ATRIP: variants seen among roughly 807,000 people sequenced by gnomAD.
ATRIP encodes ATR-interacting protein.
ATRIP carries 44 observed loss-of-function variants against 78.1 expected under a neutral mutation model. The ratio of observed to expected loss-of-function variants is 0.56; its 90% CI spans 0.44 to 0.72. The LOEUF (loss-of-function observed/expected upper bound fraction) is 0.72, where lower values mean the gene tolerates loss of function less well. ATRIP is among the 30% of genes least tolerant of loss of function. ATRIP has a pLI of 0.00. For missense variants in ATRIP, 927 were observed against 980.2 expected (o/e 0.95, Z 0.72); for synonymous variants, 388 against 408.9 (o/e 0.95, Z 0.62).
intron 2 of ATRIP, among the ~76,000 whole-genome samples, chr3:48,450,966 A>C (rs370398165): frequency 6.6e-6 from 1 of 151,546 alleles, no homozygotes; most frequent in African/African-American, 2.4e-5. Context: ...AGGCCAGTGG[A>C]TCACCTGAGG....
rs375299757 is a variant in ATRIP, at chr3:48,466,577, C to A, written c.*1023C>A. On this transcript the variant is annotated 3_prime_UTR_variant, in exon 13 of 13. Transcript: ENST00000320211. ...GCCCACCCCCTACCCCACTCCCTCC[C>A]CTTCGGATCTTAACACTGGGCACTC... 9.9e-6 allele frequency: 16 copies of A among 1,613,888 alleles called. No individual in the cohort carries two copies. Among genetic ancestry groups the A allele is most frequent in the Non-Finnish European group, 1.4e-5 (16 of 1,179,988 alleles).
intron 3 of ATRIP, among the ~76,000 whole-genome samples, chr3:48,454,097 A>G (rs1307138429): frequency 2.0e-5 from 3 of 152,150 alleles, no homozygotes; most frequent in Non-Finnish European, 2.9e-5. Flanking sequence ...CTACCCTTAC[A>G]ATAGAGTCCA....
intron 6 of ATRIP, 85 bp from the exon 7 acceptor site, chr3:48,459,702 C>T: frequency 6.4e-7 from 1 of 1,550,880 alleles, no homozygotes; most frequent in Non-Finnish European, 8.7e-7. Flanking sequence ...AGTTGGCATC[C>T]AAAGAATCCT....
chr3:48,450,210 C>A, intron 2 of ATRIP, 40 bp downstream of exon 2: 1 of 1,588,276 alleles, frequency 6.3e-7, no homozygotes. Context: ...CTAATTCATT[C>A]ACTTACGTGT....
At position 48,461,068 on chromosome 3, in the gene ATRIP, C is replaced by T. The variant is rs1357602687; in HGVS notation, c.1745+269C>T. Among the ~76,000 whole-genome samples, 3 of 152,176 alleles carry T rather than the reference C, an allele frequency of 2.0e-5. No individual in the cohort carries two copies. The East Asian group carries it at 5.8e-4, about 29-fold the overall frequency. On this transcript the variant is annotated intron_variant, in intron 8 of 12. Coordinates refer to ENST00000320211, the MANE Select transcript of ATRIP (RefSeq NM_130384.3). Reference sequence around the variant, plus strand: ...GGCTGCTAACCTCTGTGGAGGAGGGCCCTGCCCCAGGACAAGGGTTAAGAC... The same window carrying T: ...GGCTGCTAACCTCTGTGGAGGAGGGTCCTGCCCCAGGACAAGGGTTAAGAC...
At chr3:48,454,488 G>T in intron 4 of ATRIP, 70 bp downstream of exon 4, 3 of 1,242,940 alleles carry the variant, frequency 2.4e-6, no homozygotes, top group South Asian at 2.4e-5. Flanking sequence ...ACAGTGTCAG[G>T]CTGGTCCTAA....
At position 48,466,893 on chromosome 3, in the gene ATRIP, GCAGC is replaced by G. The variant is rs2040335386; in HGVS notation, c.*1344_*1347del. 6.2e-7 allele frequency: 1 copy of G among 1,612,378 alleles called. No homozygotes were observed. Reference sequence around the variant, plus strand: ...GGCTCCGGGGAAGGCCTGCAGCCCTGCAGCCAGCGAGATCACAGGTCTGAGCACA... The same window carrying G: ...GGCTCCGGGGAAGGCCTGCAGCCCTGCAGCGAGATCACAGGTCTGAGCACA... On this transcript the variant is annotated 3_prime_UTR_variant, in exon 13 of 13. Coordinates refer to ENST00000320211, the MANE Select transcript of ATRIP (RefSeq NM_130384.3).
In ATRIP at chr3:48,446,770, G is replaced by A; in HGVS notation, c.-76G>A. 7.5e-7 allele frequency: 1 copy of A among 1,334,264 alleles called. No individual in the cohort carries two copies. Among genetic ancestry groups the A allele is most frequent in the African/African-American group, 1.5e-5 (1 of 66,070 alleles). 82.7% of individuals were successfully genotyped at this position (1,334,264 alleles called of 1,614,324 possible). On this transcript the variant is annotated 5_prime_UTR_variant, in exon 1 of 13. Transcript: ENST00000320211. ...CGGAGGCAAGCGGCGGCGCGCGGAC[G>A]GTTGGTCCAGTTCTCCGGCCTGGCG...
chr3:48,464,975 G>T lies in ATRIP; in HGVS notation c.2200G>T (p.Asp734Tyr). Residue 734 changes from aspartate (D) to tyrosine (Y), a missense_variant, in exon 12 of 13, where the codon GAC (aspartate) becomes TAC (tyrosine). Physicochemically the swap from Asp to Tyr is radical, Grantham distance 160. Transcript: ENST00000320211. ...VLLLHGLSQK[D>Y]KLFMMHCVEV... ...GCTGCTGCACGGCCTATCGCAGAAG[G>T]ACAAGCTCTTCATGATGCACTGCGT... The T allele has an allele frequency of 6.2e-7, 1 of 1,614,186 alleles. No homozygotes were observed. Among genetic ancestry groups the T allele is most frequent in the Non-Finnish European group, 8.5e-7 (1 of 1,180,050 alleles).
rs11548268 is a variant in ATRIP, at chr3:48,466,735, C to T, written c.*1181C>T. The T allele has an allele frequency of 2.5e-6, 4 of 1,614,068 alleles. No individual in the cohort carries two copies. In the South Asian group the frequency reaches 3.3e-5, roughly 13 times the overall value. On this transcript the variant is annotated 3_prime_UTR_variant, in exon 13 of 13. Transcript: ENST00000320211. ...ATGGAGGCCACTGGCTTGCCCTTCT[C>T]CCAGCCCAAGGTCACGGAGCTGTGC...
At position 48,467,427 on chromosome 3, in the gene ATRIP, A is replaced by G; in HGVS notation, c.*1873A>G. ...AACCACTGCACACCTGGCCACAACC[A>G]GGAACACTAGTCCCAGCCTTGGAGA... On this transcript the variant is annotated 3_prime_UTR_variant, in exon 13 of 13. Transcript: ENST00000320211. 1 of 1,614,204 alleles carries G rather than the reference A, an allele frequency of 6.2e-7. No individual in the cohort carries two copies. Among genetic ancestry groups the G allele is most frequent in the Non-Finnish European group, 8.5e-7 (1 of 1,180,030 alleles).
At chr3:48,454,801 G>A (rs2107207110) in intron 4 of ATRIP, among the ~76,000 whole-genome samples, 1 of 151,876 alleles carries the variant, frequency 6.6e-6, no homozygotes, top group East Asian at 1.9e-4. Flanking sequence ...TTTCTCATTT[G>A]CTTTCTGGGG....
At chr3:48,461,897 G>C (rs2040125411) in intron 8 of ATRIP, among the ~76,000 whole-genome samples, 4 of 152,124 alleles carry the variant, frequency 2.6e-5, no homozygotes, top group African/African-American at 7.2e-5. Context: ...GTAGAGACAG[G>C]GTTTCACCAT....
Position 48,446,850 on chromosome 3 carries a change from C to T in ATRIP, c.5C>T (p.Ala2Val). Reference protein sequence around the residue: MAGTSAPGSKRR... With the variant: MVGTSAPGSKRR... ...TACTTGGGGTGAGCGGAAAGCATGG[C>T]GGGGACCTCCGCGCCAGGCAGCAAG... is the stretch of plus-strand genomic sequence containing the variant. Residue 2 changes from alanine to valine, a missense_variant, in exon 1 of 13, where the codon GCG becomes GTG. Transcript: ENST00000320211. 4 of 1,401,030 alleles carry T rather than the reference C, an allele frequency of 2.9e-6. No homozygotes were observed. 86.8% of individuals were successfully genotyped at this position (1,401,030 alleles called of 1,614,324 possible).
In ATRIP at chr3:48,466,732, T is replaced by C; in HGVS notation, c.*1178T>C. 1 of 1,613,934 alleles carries C rather than the reference T, an allele frequency of 6.2e-7. No individual in the cohort carries two copies. Among genetic ancestry groups the C allele is most frequent in the Non-Finnish European group, 8.5e-7 (1 of 1,179,988 alleles). ...GACATGGAGGCCACTGGCTTGCCCT[T>C]CTCCCAGCCCAAGGTCACGGAGCTG... On this transcript the variant is annotated 3_prime_UTR_variant, in exon 13 of 13. Coordinates refer to ENST00000320211, the MANE Select transcript of ATRIP (RefSeq NM_130384.3).
Position 48,465,996 on chromosome 3 carries a change from T to C in ATRIP, c.*442T>C, listed in dbSNP as rs2040277205. ...AGCAGTGTGTAAGACCGGGAGCTGG[T>C]CTGGCACCACTGCCCTGGTCCTTCC... On this transcript the variant is annotated 3_prime_UTR_variant, in exon 13 of 13. Coordinates refer to ENST00000320211, the MANE Select transcript of ATRIP (RefSeq NM_130384.3). The C allele has an allele frequency of 6.6e-6, 2 of 301,080 alleles. No individual in the cohort carries two copies. Among genetic ancestry groups the C allele is most frequent in the South Asian group, 3.2e-5 (1 of 31,352 alleles). The allele number at this position is 301,080 out of a possible 1,614,324, so 18.7% of individuals were successfully genotyped here. A position where few individuals can be genotyped will look rare whatever the true frequency, so the allele number is the denominator to read the frequency against.
chr3:48,458,116 C>T, intron 5 of ATRIP, among the ~76,000 whole-genome samples: 1 of 147,428 alleles, frequency 6.8e-6, no homozygotes. Flanking sequence ...CTCACCCTGT[C>T]ACCCAGGCTG....
Position 48,453,364 on chromosome 3 carries a change from C to T in ATRIP, c.553-936C>T, listed in dbSNP as rs185687266. On this transcript the variant is annotated intron_variant, in intron 3 of 12. Transcript: ENST00000320211. ...GCACTTACCTGTGCCCATCATTAAC[C>T]GCAATAGTTAACTTTCTGTATAAGT... Among the ~76,000 whole-genome samples, 256 of 152,262 alleles carry T rather than the reference C, an allele frequency of 1.7e-3. 2 individuals are homozygous for T. The highest frequency in any genetic ancestry group is 5.8e-3 in the African/African-American group (241 of 41,550).
intron 1 of ATRIP, among the ~76,000 whole-genome samples, chr3:48,448,302 C>T (rs1442866547): frequency 1.3e-5 from 2 of 152,018 alleles, no homozygotes; most frequent in African/African-American, 4.8e-5. Context: ...GCCTCAGCCT[C>T]CCAAGTAGCT....
Sources: allele counts gnomAD v4.1 joint callset (sites outside exome capture counted in the v4.1 genomes callset), GRCh38; gene constraint gnomAD v4.1.1; transcripts MANE v1.5; gene names NCBI Gene and HGNC (gene_info 2026-07-23, HGNC 2026-07-21).